Variants in DLGAP2 observed in about 807,000 individuals in gnomAD.
DLGAP2 encodes DLG associated protein 2.
A neutral mutation model predicts 100.3 loss-of-function variants in DLGAP2; 26 were observed. The ratio of observed to expected loss-of-function variants is 0.26; its 90% CI spans 0.19 to 0.36. DLGAP2 has a LOEUF of 0.36. DLGAP2 is among the 10% of genes least tolerant of loss of function. The pLI, the probability that DLGAP2 is intolerant of heterozygous loss-of-function variation, is 1.00. For missense variants in DLGAP2, 1,858 were observed against 1,453.2 expected, an observed-to-expected ratio of 1.28 and a Z score of -4.53; for synonymous variants, 886 against 630.1, an observed-to-expected ratio of 1.41 and a Z score of -6.08.
At chr8:1,465,314 TGAAGAGATGAGCAGAGCGAAGG>T (rs1336962164) in intron 3 of DLGAP2, among the ~76,000 whole-genome samples, 1 of 150,858 alleles carries the variant, frequency 6.6e-6, no homozygotes. Flanking sequence ...AGGATACAGA[TGAAGAGATGAGCAGAGCGAAGG>T]GAAGAGATGA....
intron 4 of DLGAP2, among the ~76,000 whole-genome samples, chr8:1,524,722 C>T (rs1363338400): frequency 6.6e-6 from 1 of 152,134 alleles, no homozygotes; most frequent in Non-Finnish European, 1.5e-5. Context: ...AGTGACGTCA[C>T]ACAGTGAGAG....
At chr8:1,176,511 A>G (rs1797260313) in intron 2 of DLGAP2, among the ~76,000 whole-genome samples, 1 of 152,246 alleles carries the variant, frequency 6.6e-6, no homozygotes, top group Non-Finnish European at 1.5e-5. Flanking sequence ...CTACACTTGG[A>G]GATCCTGCCC....
chr8:1,266,880 C>T (rs1009852058), intron 3 of DLGAP2, among the ~76,000 whole-genome samples: 1 of 151,914 alleles, frequency 6.6e-6, no homozygotes, highest in Non-Finnish European at 1.5e-5. Context: ...CTCATTAATG[C>T]GTTATCCCAG....
rs1802347420 is a variant in DLGAP2, at chr8:1,041,538, G to A, written c.73+133572G>A. 2.0e-5 allele frequency among the ~76,000 whole-genome samples: 3 copies of A among 150,966 alleles called. No homozygotes were observed. In the South Asian group the frequency reaches 6.3e-4, roughly 32 times the overall value. On this transcript the variant is annotated intron_variant, in intron 2 of 14. Transcript: ENST00000637795. ...GTGTTCTCTGAGCCCCTTGCCGTGGGTGAGTGTTCTCCGAACCCCTTGCCG... is the reference window on the plus strand; with the variant it reads ...GTGTTCTCTGAGCCCCTTGCCGTGGATGAGTGTTCTCCGAACCCCTTGCCG...
rs1227701736 is a variant in DLGAP2 at position 1,055,624 on chromosome 8, G to C, written c.73+147658G>C. 2.0e-5 allele frequency among the ~76,000 whole-genome samples: 3 copies of C among 152,086 alleles called. No individual in the cohort carries two copies. The East Asian group carries it at 5.8e-4, about 29-fold the overall frequency. On this transcript the variant is annotated intron_variant, in intron 2 of 14. Coordinates refer to ENST00000637795, the MANE Select transcript of DLGAP2 (RefSeq NM_001346810.2). ...TCGTCTTCTCACTGTTGGACTTCCG[G>C]GTAGGACGCTGGAAACAGCCGTCGG...
chr8:1,342,160 C>A (rs1359003217), intron 3 of DLGAP2, among the ~76,000 whole-genome samples: 1 of 152,012 alleles, frequency 6.6e-6, no homozygotes, highest in Non-Finnish European at 1.5e-5. Context: ...CTTCCCCAGG[C>A]TGGTCTCAAT....
chr8:1,599,767 C>G (rs1380868297), intron 6 of DLGAP2, among the ~76,000 whole-genome samples: 1 of 152,102 alleles, frequency 6.6e-6, no homozygotes, highest in East Asian at 1.9e-4. Context: ...CTATGTGTGT[C>G]TTTGTACATG....
chr8:1,617,368 T>G (rs1208344572), intron 6 of DLGAP2, among the ~76,000 whole-genome samples: 2 of 152,226 alleles, frequency 1.3e-5, no homozygotes, highest in Non-Finnish European at 2.9e-5. Flanking sequence ...TTCCCTTTTC[T>G]TCACAGCCTC....
In DLGAP2 at chr8:1,140,179, G is replaced by A. The variant is rs182774526; in HGVS notation, c.74-118672G>A. ...TTGGCCAGGCCCATGTCGTAGCGGG[G>A]AGGTGCGACCAGGGTGACATGAAAC... On this transcript the variant is annotated intron_variant, in intron 2 of 14. Coordinates refer to ENST00000637795, the MANE Select transcript of DLGAP2 (RefSeq NM_001346810.2). 2.5e-3 allele frequency among the ~76,000 whole-genome samples: 378 copies of A among 152,274 alleles called. 3 individuals carry two copies. Among genetic ancestry groups the A allele is most frequent in the African/African-American group, 8.6e-3 (359 of 41,554 alleles).
chr8:803,411 CT>C (rs1339082560), intron 1 of DLGAP2, among the ~76,000 whole-genome samples: 1 of 152,014 alleles, frequency 6.6e-6, no homozygotes, highest in South Asian at 2.1e-4. Flanking sequence ...CATGTATTGT[CT>C]TTTTTCCACT....
chr8:1,319,605 G>A (rs751101245), intron 3 of DLGAP2, among the ~76,000 whole-genome samples: 10 of 152,204 alleles, frequency 6.6e-5, no homozygotes, highest in South Asian at 2.1e-4. Context: ...CTTGCTGGAC[G>A]TCCATCAGCT....
chr8:1,644,540 G>A (rs1342807074), intron 8 of DLGAP2, among the ~76,000 whole-genome samples: 1 of 152,230 alleles, frequency 6.6e-6, no homozygotes, highest in Non-Finnish European at 1.5e-5. Context: ...CTTCAAGGAA[G>A]CGGCAGAGAC....
At chr8:748,377 A>T (rs1395506320) in intron 1 of DLGAP2, among the ~76,000 whole-genome samples, 1 of 151,998 alleles carries the variant, frequency 6.6e-6, no homozygotes, top group Admixed American at 6.5e-5. Context: ...ACTGAGGTCC[A>T]CAGAGCCAGC....
chr8:983,541 T>C (rs1402357556), intron 2 of DLGAP2, among the ~76,000 whole-genome samples: 1 of 152,250 alleles, frequency 6.6e-6, no homozygotes, highest in Non-Finnish European at 1.5e-5. Context: ...TCATCGTACA[T>C]ACCCTGGATA....
chr8:893,604 C>T (rs538329840), intron 1 of DLGAP2, among the ~76,000 whole-genome samples: 19 of 152,318 alleles, frequency 1.2e-4, no homozygotes, highest in African/African-American at 4.3e-4. Flanking sequence ...CCCCTCAGCC[C>T]GGAAGCTGTC....
intron 1 of DLGAP2, among the ~76,000 whole-genome samples, chr8:834,757 A>G (rs1796841692): frequency 6.6e-6 from 1 of 152,124 alleles, no homozygotes; most frequent in Non-Finnish European, 1.5e-5. Context: ...ATTGGGTACT[A>G]TGCTTAGTAC....
At chr8:1,468,680 C>T (rs943456367) in intron 3 of DLGAP2, among the ~76,000 whole-genome samples, 15 of 152,300 alleles carry the variant, frequency 9.8e-5, no homozygotes, top group African/African-American at 2.6e-4. Flanking sequence ...TGCCGTAAAA[C>T]GTGACTCCAG....
intron 1 of DLGAP2, among the ~76,000 whole-genome samples, chr8:885,775 T>C (rs1280316714): frequency 2.6e-5 from 4 of 152,214 alleles, no homozygotes; most frequent in Non-Finnish European, 5.9e-5. Context: ...AAATAGCTCA[T>C]TATTTTGAGA....
At chr8:1,518,289 C>T (rs1179411385) in intron 4 of DLGAP2, among the ~76,000 whole-genome samples, 4 of 152,306 alleles carry the variant, frequency 2.6e-5, no homozygotes, top group Admixed American at 2.6e-4. Context: ...CTGCTTCATC[C>T]TCATCTGCCA....
Sources: allele counts gnomAD v4.1 joint callset (sites outside exome capture counted in the v4.1 genomes callset), GRCh38; gene constraint gnomAD v4.1.1; transcripts MANE v1.5; gene names NCBI Gene and HGNC (gene_info 2026-07-23, HGNC 2026-07-21).